WDFY3: variants seen among roughly 807,000 people sequenced by gnomAD.
WDFY3 encodes WD repeat and FYVE domain-containing protein 3.
WDFY3 carries 66 observed loss-of-function variants against 409.6 expected under a neutral mutation model. The ratio of observed to expected loss-of-function variants is 0.16; its 90% CI spans 0.13 to 0.20. The LOEUF (loss-of-function observed/expected upper bound fraction) is 0.20. WDFY3 is among the 10% of genes least tolerant of loss of function. The pLI, the probability that WDFY3 is intolerant of heterozygous loss-of-function variation, is 1.00. For synonymous variants in WDFY3, 1,521 were observed against 1,537.1 expected (o/e 0.99, Z 0.25); for missense variants, 3,031 against 4,298.1 (o/e 0.71, Z 8.24).
chr4:84,716,608 G>A (rs913098057), intron 49 of WDFY3, among the ~76,000 whole-genome samples: 11 of 149,902 alleles, frequency 7.3e-5, no homozygotes, highest in South Asian at 6.4e-4. Context: ...CATCCTGGCT[G>A]ACACAAGGAA....
At chr4:84,865,228 T>C (rs929162257) in intron 3 of WDFY3, among the ~76,000 whole-genome samples, 1 of 152,150 alleles carries the variant, frequency 6.6e-6, no homozygotes, top group African/African-American at 2.4e-5. Flanking sequence ...CATGATCACA[T>C]TATGACAAAT....
chr4:84,733,237 C>G, intron 44 of WDFY3, 145 bp downstream of exon 44: 1 of 908,152 alleles, frequency 1.1e-6, no homozygotes, highest in East Asian at 2.4e-5. Context: ...ACTCCACCTC[C>G]ACTCTGAAGT....
intron 2 of WDFY3, among the ~76,000 whole-genome samples, chr4:84,930,026 CCCTCACAGG>C (rs1352816645): frequency 6.6e-6 from 1 of 152,108 alleles, no homozygotes; most frequent in African/African-American, 2.4e-5. Flanking sequence ...ACAAATCCTT[CCCTCACAGG>C]CCTCAGGAGC....
At chr4:84,791,346 T>C (rs1042243599) in intron 21 of WDFY3, among the ~76,000 whole-genome samples, 1 of 152,108 alleles carries the variant, frequency 6.6e-6, no homozygotes, top group Non-Finnish European at 1.5e-5. Flanking sequence ...GTATTTAAAA[T>C]AGCCAAATTC....
At chr4:84,718,221 C>T (rs1734286064) in intron 48 of WDFY3, among the ~76,000 whole-genome samples, 1 of 151,794 alleles carries the variant, frequency 6.6e-6, no homozygotes, top group Non-Finnish European at 1.5e-5. Context: ...TAGCTTTCAT[C>T]TTGATAAATA....
At chr4:84,864,293 C>T (rs933703350) in intron 3 of WDFY3, among the ~76,000 whole-genome samples, 30 of 143,306 alleles carry the variant, frequency 2.1e-4, no homozygotes, top group Admixed American at 1.9e-3. Flanking sequence ...CCTGAGCCTG[C>T]GAAGCGGAGT....
chr4:84,758,737 T>C (rs928773636), intron 32 of WDFY3, among the ~76,000 whole-genome samples: 8 of 152,220 alleles, frequency 5.3e-5, no homozygotes, highest in South Asian at 2.1e-4. Context: ...AAAAATTATA[T>C]AGCAATTTAA....
intron 36 of WDFY3, among the ~76,000 whole-genome samples, chr4:84,746,674 A>T (rs17009249): frequency 0.4 from 60,147 of 151,210 alleles, 12,186 homozygotes; most frequent in East Asian, 0.5. Flanking sequence ...CTTTTCAAGG[A>T]CTTAACATTT....
chr4:84,756,054 A>G (rs1741382121), intron 33 of WDFY3, among the ~76,000 whole-genome samples: 1 of 152,184 alleles, frequency 6.6e-6, no homozygotes. Flanking sequence ...AGTTGAGTCT[A>G]AAAGCTAAAT....
intron 42 of WDFY3, 144 bp downstream of exon 42, chr4:84,736,026 G>T: frequency 2.3e-6 from 2 of 873,322 alleles, no homozygotes; most frequent in Non-Finnish European, 3.3e-6. Flanking sequence ...GAAAATGAGA[G>T]AAATTCCCAT....
At chr4:84,918,254 A>G (rs977258611) in intron 2 of WDFY3, among the ~76,000 whole-genome samples, 3 of 152,156 alleles carry the variant, frequency 2.0e-5, no homozygotes, top group Non-Finnish European at 4.4e-5. Flanking sequence ...CAAGGTTATT[A>G]ATTGCAGAAC....
intron 7 of WDFY3, among the ~76,000 whole-genome samples, chr4:84,835,953 A>G (rs1756510860): frequency 6.6e-6 from 1 of 152,198 alleles, no homozygotes; most frequent in South Asian, 2.1e-4. Context: ...CAGGTGCGAA[A>G]TCTGCATCTT....
intron 3 of WDFY3, among the ~76,000 whole-genome samples, chr4:84,891,707 C>T (rs539149658): frequency 1.3e-3 from 197 of 152,158 alleles, no homozygotes; most frequent in Non-Finnish European, 2.3e-3. Flanking sequence ...ATTAGGGAAC[C>T]TGCATTAGAT....
intron 57 of WDFY3, 71 bp from the exon 58 acceptor site, chr4:84,696,253 G>GT (rs1730126060): frequency 7.0e-7 from 1 of 1,438,454 alleles, no homozygotes; most frequent in Non-Finnish European, 9.6e-7. Flanking sequence ...AAAAACCTTG[G>GT]TAAGTGGTTA....
rs1729102557 is a variant in WDFY3 at position 84,690,640 on chromosome 4, A to G, written c.9229T>C (p.Ser3077Pro). 6.2e-7 allele frequency: 1 copy of G among 1,613,914 alleles called. No individual in the cohort carries two copies. Among genetic ancestry groups the G allele is most frequent in the African/African-American group, 1.3e-5 (1 of 75,040 alleles). Residue 3077 changes from serine to proline, a missense_variant, in exon 61 of 68, where the codon TCT (serine) becomes CCT (proline). Ser to Pro is a moderately conservative substitution (Grantham distance 74, BLOSUM62 -1). Coordinates refer to ENST00000295888, the MANE Select transcript of WDFY3 (RefSeq NM_014991.6). ...GCACAGAGAATCTGGCCCCACTCAGACAAGCATTCATAAACAGTCATGGCC... is the reference window on the plus strand; with the variant it reads ...GCACAGAGAATCTGGCCCCACTCAGGCAAGCATTCATAAACAGTCATGGCC... ...DKAMTVYECL[S>P]EWGQILCAIC...
intron 27 of WDFY3, among the ~76,000 whole-genome samples, chr4:84,777,509 C>T (rs1279904048): frequency 6.6e-6 from 1 of 151,928 alleles, no homozygotes; most frequent in Non-Finnish European, 1.5e-5. Context: ...AGACAATAGC[C>T]AATGTTACTG....
At chr4:84,885,330 A>ATGTGTG (rs70943380) in intron 3 of WDFY3, among the ~76,000 whole-genome samples, 4,433 of 145,616 alleles carry the variant, frequency 0.03, 86 homozygotes, top group South Asian at 0.046. Flanking sequence ...ACATATACAT[A>ATGTGTG]TGTGTGTGTG....
chr4:84,934,978 T>C (rs1771227607), intron 1 of WDFY3, among the ~76,000 whole-genome samples: 1 of 152,150 alleles, frequency 6.6e-6, no homozygotes, highest in Non-Finnish European at 1.5e-5. Context: ...TATCCTCCTG[T>C]CTTGTAGGAT....
At chr4:84,836,428 C>T (rs1464551698) in intron 7 of WDFY3, among the ~76,000 whole-genome samples, 2 of 152,020 alleles carry the variant, frequency 1.3e-5, no homozygotes, top group African/African-American at 2.4e-5. Flanking sequence ...CATTTGTTAA[C>T]CCACAATGCT....
Sources: gnomAD v4.1 joint callset for allele counts (sites outside exome capture counted in the v4.1 genomes callset) on GRCh38, gnomAD v4.1.1 for gene constraint, MANE v1.5 for transcripts, NCBI Gene and HGNC (gene_info 2026-07-23, HGNC 2026-07-21) for gene names.